ZBTB20: variants seen among roughly 807,000 people sequenced by gnomAD.
ZBTB20 encodes the protein zinc finger and BTB domain containing 20.
In ZBTB20, 9 loss-of-function variants were observed where a neutral mutation model predicts 56.9. The observed-to-expected ratio is 0.16, with a 90% CI of 0.10 to 0.28. ZBTB20 has a LOEUF of 0.28. Ranked by LOEUF, ZBTB20 falls within the 10% of genes least tolerant of loss-of-function variation. ZBTB20 has a pLI of 1.00. For missense variants in ZBTB20, 655 were observed against 1,003.0 expected (o/e 0.65, Z 4.69); for synonymous variants, 417 against 420.7 (o/e 0.99, Z 0.11).
intron 7 of ZBTB20, among the ~76,000 whole-genome samples, chr3:114,446,057 T>C (rs2091253694): frequency 6.6e-6 from 1 of 152,128 alleles, no homozygotes; most frequent in South Asian, 2.1e-4. Context: ...GGTCATGGTA[T>C]GTAGAAACAA....
chr3:114,616,507 A>G (rs1234647343), intron 6 of ZBTB20, among the ~76,000 whole-genome samples: 2 of 152,204 alleles, frequency 1.3e-5, no homozygotes, highest in East Asian at 3.8e-4. Context: ...CCCACTATCT[A>G]GCACAATGAC....
At chr3:114,563,112 C>T (rs73857629) in intron 6 of ZBTB20, among the ~76,000 whole-genome samples, 3 of 152,080 alleles carry the variant, frequency 2.0e-5, no homozygotes, top group Non-Finnish European at 4.4e-5. Context: ...CTGGAAAGTG[C>T]AATAAAGTAA....
chr3:114,660,553 A>G (rs373656074), intron 6 of ZBTB20, among the ~76,000 whole-genome samples: 1 of 152,036 alleles, frequency 6.6e-6, no homozygotes, highest in African/African-American at 2.4e-5. Context: ...GCTTTCTTTC[A>G]AGTGAACTTT....
At chr3:114,879,260 G>A (rs1296301713) in intron 4 of ZBTB20, among the ~76,000 whole-genome samples, 3 of 152,166 alleles carry the variant, frequency 2.0e-5, no homozygotes, top group African/African-American at 7.2e-5. Context: ...CTTGAAGCAT[G>A]TCTGATTTTC....
chr3:114,868,034 A>C (rs2075838385), intron 4 of ZBTB20, among the ~76,000 whole-genome samples: 2 of 152,200 alleles, frequency 1.3e-5, no homozygotes, highest in African/African-American at 4.8e-5. Context: ...AAAATAAGTA[A>C]GCTTTACTCT....
chr3:115,126,878 C>CGAAT (rs944551394), intron 1 of ZBTB20, among the ~76,000 whole-genome samples: 8 of 151,896 alleles, frequency 5.3e-5, no homozygotes, highest in South Asian at 2.1e-4. Flanking sequence ...AAATAACAAA[C>CGAAT]GAATGAATGA....
rs2078931819 is a variant in ZBTB20 at position 114,322,554 on chromosome 3, G to A, written c.*16451C>T. ...AGGAAGAAGTTTTCCAAAGCCTCAAGAGAAGTATCCTAGGACAGTTAATGT... is the reference window on the plus strand; with the variant it reads ...AGGAAGAAGTTTTCCAAAGCCTCAAAAGAAGTATCCTAGGACAGTTAATGT... On this transcript the variant is annotated 3_prime_UTR_variant, in exon 12 of 12. Coordinates refer to ENST00000675478, the MANE Select transcript of ZBTB20 (RefSeq NM_001348800.3). 1 of 152,202 alleles carries A rather than the reference G, an allele frequency of 6.6e-6. No individual in the cohort carries two copies. Among genetic ancestry groups the A allele is most frequent in the East Asian group, 1.9e-4 (1 of 5,196 alleles). The allele number at this position is 152,202 out of a possible 1,614,324, so 9.4% of individuals were successfully genotyped here.
chr3:115,002,089 G>A (rs2079275074), intron 2 of ZBTB20, among the ~76,000 whole-genome samples: 2 of 151,344 alleles, frequency 1.3e-5, no homozygotes, highest in Non-Finnish European at 3.0e-5. Context: ...ACCCACATAA[G>A]TACAGTCAAC....
intron 1 of ZBTB20, among the ~76,000 whole-genome samples, chr3:115,096,615 A>G (rs1277079876): frequency 6.6e-6 from 1 of 152,210 alleles, no homozygotes; most frequent in Non-Finnish European, 1.5e-5. Flanking sequence ...ATCACTAGTT[A>G]GCAATATTAG....
At chr3:114,977,033 A>G (rs968247055) in intron 2 of ZBTB20, among the ~76,000 whole-genome samples, 7 of 152,166 alleles carry the variant, frequency 4.6e-5, no homozygotes, top group Non-Finnish European at 8.8e-5. Flanking sequence ...GAAAAAGGGG[A>G]AAATATATTA....
At chr3:115,067,528 T>C (rs1402385755) in intron 2 of ZBTB20, among the ~76,000 whole-genome samples, 3 of 151,262 alleles carry the variant, frequency 2.0e-5, no homozygotes, top group Admixed American at 2.0e-4. Flanking sequence ...AGACATATGC[T>C]ATTTGAAAAA....
At chr3:114,600,868 T>C (rs936636382) in intron 6 of ZBTB20, among the ~76,000 whole-genome samples, 1 of 151,978 alleles carries the variant, frequency 6.6e-6, no homozygotes, top group Non-Finnish European at 1.5e-5. Flanking sequence ...AAGCTATATA[T>C]TTACACAATT....
At chr3:114,448,393 G>A (rs1366314601) in intron 7 of ZBTB20, among the ~76,000 whole-genome samples, 3 of 151,930 alleles carry the variant, frequency 2.0e-5, no homozygotes, top group Non-Finnish European at 2.9e-5. Context: ...AAAAATTATC[G>A]TATCATATTT....
rs892161054 is a variant in ZBTB20 at position 114,343,766 on chromosome 3, G to A, written c.1805-4340C>T. The stretch of plus-strand genomic sequence containing the variant: ...CGTCTGTTTAAAAGGGGGCCCACAC[G>A]GCTGGGCACCGTGGCTCACGCCTGT... On this transcript the variant is annotated intron_variant, in intron 11 of 11. Coordinates refer to ENST00000675478, the MANE Select transcript of ZBTB20 (RefSeq NM_001348800.3). Among the ~76,000 whole-genome samples the A allele has an allele frequency of 2.6e-5, 4 of 151,540 alleles. No individual in the cohort carries two copies. In the South Asian group the frequency reaches 8.3e-4, roughly 32 times the overall value.
At chr3:115,012,350 G>A (rs1317140062) in intron 2 of ZBTB20, among the ~76,000 whole-genome samples, 1 of 151,712 alleles carries the variant, frequency 6.6e-6, no homozygotes, top group Non-Finnish European at 1.5e-5. Flanking sequence ...GACACATACA[G>A]ACTGAAAATA....
intron 5 of ZBTB20, among the ~76,000 whole-genome samples, chr3:114,756,467 AG>A (rs1474424692): frequency 3.3e-5 from 5 of 152,200 alleles, no homozygotes; most frequent in African/African-American, 7.2e-5. Context: ...CACACAAAAA[AG>A]TTTTGGCTTA....
At chr3:115,038,150 T>C (rs578101141) in intron 2 of ZBTB20, among the ~76,000 whole-genome samples, 1 of 152,212 alleles carries the variant, frequency 6.6e-6, no homozygotes, top group South Asian at 2.1e-4. Context: ...CTATTCATGA[T>C]GATAAATGTC....
chr3:114,370,779 T>G (rs1448645959), intron 10 of ZBTB20, among the ~76,000 whole-genome samples: 1 of 152,240 alleles, frequency 6.6e-6, no homozygotes, highest in Non-Finnish European at 1.5e-5. Flanking sequence ...TTGTCTCCAC[T>G]GGGAACACCT....
intron 2 of ZBTB20, among the ~76,000 whole-genome samples, chr3:115,066,262 T>C (rs1332077656): frequency 2.0e-5 from 3 of 151,978 alleles, no homozygotes; most frequent in South Asian, 2.1e-4. Context: ...ACTCCTAAAA[T>C]AGTCCTTTTT....
Sources: gnomAD v4.1 joint callset for allele counts (sites outside exome capture counted in the v4.1 genomes callset) on GRCh38, gnomAD v4.1.1 for gene constraint, MANE v1.5 for transcripts, NCBI Gene and HGNC (gene_info 2026-07-23, HGNC 2026-07-21) for gene names.